URGCP: variants seen among roughly 807,000 people sequenced by gnomAD.
The protein encoded by URGCP is upregulator of cell proliferation.
Under a neutral mutation model 24.6 loss-of-function variants are expected in URGCP, and 13 were observed. That is an observed-to-expected ratio of 0.53 (90% confidence interval 0.34 to 0.84). The LOEUF (loss-of-function observed/expected upper bound fraction) is 0.84. URGCP is among the 40% of genes least tolerant of loss of function. The pLI, the probability that URGCP is intolerant of heterozygous loss-of-function variation, is 0.01. For missense variants in URGCP, 899 were observed against 1,194.3 expected, an observed-to-expected ratio of 0.75 and a Z score of 3.64; for synonymous variants, 444 against 487.2, an observed-to-expected ratio of 0.91 and a Z score of 1.17.
chr7:43,891,715 T>G (rs1197813919), intron 1 of URGCP, among the ~76,000 whole-genome samples: 1 of 152,180 alleles, frequency 6.6e-6, no homozygotes, highest in Non-Finnish European at 1.5e-5. Flanking sequence ...AATTTCATAC[T>G]TGTGATTCTT....
upstream of URGCP, chr7:43,926,645 G>T (rs1003433692): frequency 7.3e-7 from 1 of 1,372,790 alleles, no homozygotes; most frequent in Non-Finnish European, 9.7e-7. Flanking sequence ...AAAGGTGACG[G>T]AGGCTCCGCG....
chr7:43,887,908 AATAACGG>A, intron 1 of URGCP, 92 bp from the exon 2 acceptor site: 1 of 799,300 alleles, frequency 1.3e-6, no homozygotes, highest in Non-Finnish European at 2.0e-6. Flanking sequence ...ATCAAAGTGC[AATAACGG>A]AATTATGGTC....
At chr7:43,924,176 G>T (rs2095925914) in intron 1 of URGCP, among the ~76,000 whole-genome samples, 1 of 152,066 alleles carries the variant, frequency 6.6e-6, no homozygotes, top group Non-Finnish European at 1.5e-5. Flanking sequence ...GACCAATTGT[G>T]TATTATTCTT....
At position 43,915,837 on chromosome 7, in the gene URGCP, C is replaced by T. The variant is rs185147363; in HGVS notation, c.-116+10295G>A. Reference sequence around the variant, plus strand: ...TAGCCTGGCCAACATGGTGAAACCCCGTCTCTACTAAAAATACAAAAATTA... The same window carrying T: ...TAGCCTGGCCAACATGGTGAAACCCTGTCTCTACTAAAAATACAAAAATTA... On this transcript the variant is annotated intron_variant, in intron 1 of 5. Transcript: ENST00000426198. Among the ~76,000 whole-genome samples, 1,199 of 152,202 alleles carry T rather than the reference C, an allele frequency of 7.9e-3. 20 individuals are homozygous for T. The highest frequency in any genetic ancestry group is 0.026 in the African/African-American group (1,064 of 41,510).
intron 1 of URGCP, chr7:43,905,945 G>A (rs1202477119): frequency 6.6e-6 from 1 of 152,180 alleles, no homozygotes; most frequent in Admixed American, 6.5e-5. Context: ...AAGTTGAAAA[G>A]AGGTAATATC....
intron 1 of URGCP, among the ~76,000 whole-genome samples, chr7:43,889,810 C>T (rs193134929): frequency 2.6e-5 from 4 of 152,312 alleles, no homozygotes; most frequent in African/African-American, 7.2e-5. Flanking sequence ...AGCATATTTA[C>T]TGTACACACC....
At chr7:43,926,374 C>A in exon 1 of URGCP, 1 of 453,730 alleles carries the variant, frequency 2.2e-6, no homozygotes, top group Non-Finnish European at 3.2e-6. Flanking sequence ...CTCGGCCGCG[C>A]CAGGACGCTC....
chr7:43,920,809 G>T (rs1361751707), intron 1 of URGCP, among the ~76,000 whole-genome samples: 1 of 152,090 alleles, frequency 6.6e-6, no homozygotes, highest in African/African-American at 2.4e-5. Context: ...TGAAAACCCA[G>T]CAATTAAAAG....
intron 1 of URGCP, among the ~76,000 whole-genome samples, chr7:43,890,138 C>G (rs1157315609): frequency 1.3e-5 from 2 of 151,576 alleles, no homozygotes; most frequent in Non-Finnish European, 2.9e-5. Context: ...CTCCTGACCT[C>G]AAGTGATCCA....
rs2132644751 is a variant in URGCP at position 43,877,496 on chromosome 7, G to A, written c.1967C>T (p.Thr656Ile). The A allele has an allele frequency of 1.2e-6, 2 of 1,613,396 alleles. No individual in the cohort carries two copies. The highest frequency in any genetic ancestry group is 2.2e-5 in the East Asian group (1 of 44,876). The change falls in exon 6 of 6, where the codon ACA (threonine) becomes ATA (isoleucine). Residue 656 changes from threonine to isoleucine, a missense_variant. By Grantham distance (89) the Thr-to-Ile change is moderately conservative. Coordinates refer to ENST00000453200, the MANE Select transcript of URGCP (RefSeq NM_001077663.3). ...FPGLASELLL[T>I]GLPLELIDGS... ...ATCGATTAGCTCCAGAGGCAGCCCT[G>A]TCAGCAGCAGCTCCGAGGCCAAGCC...
chr7:43,883,355 TATATA>T (rs2095857363), intron 3 of URGCP, among the ~76,000 whole-genome samples: 1 of 101,136 alleles, frequency 9.9e-6, no homozygotes, highest in African/African-American at 5.7e-5. Flanking sequence ...TATATATATA[TATATA>T]TATTTTTTTT....
chr7:43,887,540 C>T, intron 2 of URGCP, 55 bp from the exon 3 acceptor site: 1 of 1,591,996 alleles, frequency 6.3e-7, no homozygotes, highest in Non-Finnish European at 8.6e-7. Flanking sequence ...CCACTTTCAC[C>T]TATCAAACTG....
At chr7:43,895,218 T>C (rs570925230) in intron 1 of URGCP, among the ~76,000 whole-genome samples, 63 of 151,104 alleles carry the variant, frequency 4.2e-4, no homozygotes, top group African/African-American at 1.5e-3. Context: ...AAAAAAAAAA[T>C]AATAATTTGA....
chr7:43,911,746 A>G (rs1456740065), intron 1 of URGCP, among the ~76,000 whole-genome samples: 1 of 152,192 alleles, frequency 6.6e-6, no homozygotes, highest in Non-Finnish European at 1.5e-5. Context: ...CTACTGAACA[A>G]CAGCAAAATA....
intron 1 of URGCP, among the ~76,000 whole-genome samples, chr7:43,898,598 T>C (rs1177466634): frequency 1.3e-5 from 2 of 151,790 alleles, no homozygotes; most frequent in Admixed American, 1.3e-4. Flanking sequence ...GAAACCCCAC[T>C]CTACAGAAAA....
intron 1 of URGCP, among the ~76,000 whole-genome samples, chr7:43,923,598 A>T (rs530028681): frequency 1.3e-4 from 20 of 152,122 alleles, no homozygotes; most frequent in South Asian, 6.2e-4. Flanking sequence ...TGATTTTTTT[A>T]AAATGTGCTT....
chr7:43,919,045 A>T, intron 1 of URGCP: 1 of 1,053,652 alleles, frequency 9.5e-7, no homozygotes, highest in Non-Finnish European at 1.5e-6. Flanking sequence ...ATCCATGAGG[A>T]CATTTTTAAC....
chr7:43,900,538 C>T (rs1159641213), intron 1 of URGCP, among the ~76,000 whole-genome samples: 1 of 151,852 alleles, frequency 6.6e-6, no homozygotes, highest in Admixed American at 6.6e-5. Context: ...ACCACCACAT[C>T]TGACCTACAG....
At chr7:43,890,664 TGG>T (rs1318756832) in intron 1 of URGCP, among the ~76,000 whole-genome samples, 2 of 152,236 alleles carry the variant, frequency 1.3e-5, no homozygotes, top group African/African-American at 4.8e-5. Context: ...TTCCCTCCTC[TGG>T]GCACTTCCCC....
Sources: gnomAD v4.1 joint callset for allele counts (sites outside exome capture counted in the v4.1 genomes callset) on GRCh38, gnomAD v4.1.1 for gene constraint, MANE v1.5 for transcripts, NCBI Gene and HGNC (gene_info 2026-07-23, HGNC 2026-07-21) for gene names.